The following CRB1 variants were observed in gnomAD, a reference collection of about 807,000 sequenced individuals.
CRB1 encodes crumbs cell polarity complex component 1, also known as protein crumbs homolog 1.
A neutral mutation model predicts 120.0 loss-of-function variants in CRB1; 83 were observed. The ratio of observed to expected loss-of-function variants is 0.69; its 90% confidence interval spans 0.58 to 0.83. The LOEUF (loss-of-function observed/expected upper bound fraction) is 0.83, where lower values mean the gene tolerates loss of function less well. Ranked by LOEUF, CRB1 falls within the 40% of genes least tolerant of loss-of-function variation. The probability of loss-of-function intolerance (pLI) is 0.00; values close to 1 mark genes in which losing one functional copy is unlikely to be tolerated. For missense variants in CRB1, 1,699 were observed against 1,687.6 expected, an observed-to-expected ratio of 1.01 and a Z score of -0.12; for synonymous variants, 625 against 612.5, an observed-to-expected ratio of 1.02 and a Z score of -0.30.
intron 5 of CRB1, among the ~76,000 whole-genome samples, chr1:197,373,833 A>G (rs1661503266): frequency 6.6e-6 from 1 of 152,200 alleles, no homozygotes; most frequent in African/African-American, 2.4e-5. Context: ...CTTTATGACA[A>G]AAATACACCA....
chr1:197,282,170 A>G (rs1439611085), intron 1 of CRB1, among the ~76,000 whole-genome samples: 1 of 151,764 alleles, frequency 6.6e-6, no homozygotes, highest in Non-Finnish European at 1.5e-5. Context: ...ACTATGTCAC[A>G]TAATTGAATT....
chr1:197,472,758 T>C (rs150048146), intron 11 of CRB1, among the ~76,000 whole-genome samples: 38 of 152,264 alleles, frequency 2.5e-4, no homozygotes, highest in African/African-American at 8.7e-4. Flanking sequence ...CAGCGCCACA[T>C]CAGCACAGTG....
At chr1:197,366,555 T>TA (rs2125373852) in intron 5 of CRB1, among the ~76,000 whole-genome samples, 1 of 152,266 alleles carries the variant, frequency 6.6e-6, no homozygotes, top group African/African-American at 2.4e-5. Flanking sequence ...TTTTATAATG[T>TA]AAAAATGATA....
At chr1:197,342,997 G>C (rs760128326) in intron 2 of CRB1, among the ~76,000 whole-genome samples, 6 of 152,168 alleles carry the variant, frequency 3.9e-5, no homozygotes. Context: ...CACTTACCTA[G>C]AAACAAGTGC....
intron 2 of CRB1, among the ~76,000 whole-genome samples, chr1:197,334,412 G>A (rs1019500253): frequency 1.3e-4 from 20 of 152,150 alleles, no homozygotes; most frequent in Non-Finnish European, 2.2e-4. Context: ...ATTGGGAGGT[G>A]GGAACTAAGA....
At chr1:197,399,521 A>G (rs1275433532) in intron 5 of CRB1, among the ~76,000 whole-genome samples, 1 of 152,204 alleles carries the variant, frequency 6.6e-6, no homozygotes, top group Non-Finnish European at 1.5e-5. Context: ...TTTCTATAAA[A>G]TAGAGATTAT....
intron 5 of CRB1, among the ~76,000 whole-genome samples, chr1:197,401,215 T>C (rs1453099742): frequency 1.3e-5 from 2 of 152,128 alleles, no homozygotes; most frequent in African/African-American, 2.4e-5. Flanking sequence ...AAATTGGTGT[T>C]TTAAAAATAA....
At chr1:197,310,359 C>G (rs1008844102) in intron 1 of CRB1, among the ~76,000 whole-genome samples, 9 of 152,100 alleles carry the variant, frequency 5.9e-5, no homozygotes, top group African/African-American at 2.2e-4. Context: ...CTCACCAAAC[C>G]TATGCAGAAT....
intron 1 of CRB1, among the ~76,000 whole-genome samples, chr1:197,322,463 A>AAAT (rs527686372): frequency 0.02 from 3,073 of 150,228 alleles, 35 homozygotes; most frequent in Non-Finnish European, 0.024. Flanking sequence ...ACTCTGTCTC[A>AAAT]AATAATAATA....
intron 11 of CRB1, chr1:197,442,661 T>G: frequency 1.4e-6 from 1 of 717,180 alleles, no homozygotes. Context: ...TTATTGTGTG[T>G]ATTTAGTACA....
chr1:197,349,956 CG>C (rs1193530404), intron 4 of CRB1, among the ~76,000 whole-genome samples: 1 of 151,384 alleles, frequency 6.6e-6, no homozygotes, highest in Non-Finnish European at 1.5e-5. Flanking sequence ...AAAAATTAGC[CG>C]GGCGCGGTGG....
chr1:197,396,148 G>T (rs186936402), intron 5 of CRB1, among the ~76,000 whole-genome samples: 5 of 152,212 alleles, frequency 3.3e-5, no homozygotes, highest in African/African-American at 9.6e-5. Flanking sequence ...ATGGTCACAG[G>T]ATACAAAGTA....
chr1:197,268,460 C>G lies in CRB1; in HGVS notation c.48C>G (p.Phe16Leu). ...INYLLIFYLSFSLLIYIKNSF... is the reference protein window; with the variant it reads ...INYLLIFYLSLSLLIYIKNSF... The stretch of plus-strand genomic sequence containing the variant: ...ACCTTCTCATCTTCTACCTCAGTTT[C>G]TCACTGCTTATCTACATAAAAAGTA... The change falls in exon 1 of 12, where the codon TTC becomes TTG. Residue 16 changes from phenylalanine (F) to leucine (L), a missense_variant. Physicochemically the swap from Phe to Leu is conservative, Grantham distance 22. Coordinates refer to ENST00000367400, the MANE Select transcript of CRB1 (RefSeq NM_201253.3). 6.2e-7 allele frequency: 1 copy of G among 1,612,860 alleles called. No homozygotes were observed. The highest frequency in any genetic ancestry group is 8.5e-7 in the Non-Finnish European group (1 of 1,178,870).
chr1:197,421,321 G>C lies in CRB1; in HGVS notation c.1493G>C (p.Ser498Thr), dbSNP rs992770731. 1.2e-6 allele frequency: 2 copies of C among 1,614,118 alleles called. No individual in the cohort carries two copies. Among genetic ancestry groups the C allele is most frequent in the Non-Finnish European group, 1.7e-6 (2 of 1,180,058 alleles). ...FEGDGFLWVK[S>T]GSVTTKGSVC... Reference sequence around the variant, plus strand: ...GGCGATGGCTTCCTGTGGGTCAAAAGTGGCTCAGTGACAACCAAGGGCTCA... The same window carrying C: ...GGCGATGGCTTCCTGTGGGTCAAAACTGGCTCAGTGACAACCAAGGGCTCA... Residue 498 changes from serine (S) to threonine (T), a missense_variant, in exon 6 of 12, where the codon AGT becomes ACT. Coordinates refer to ENST00000367400, the MANE Select transcript of CRB1 (RefSeq NM_201253.3).
chr1:197,383,710 A>T (rs1448951810), intron 5 of CRB1, among the ~76,000 whole-genome samples: 1 of 152,124 alleles, frequency 6.6e-6, no homozygotes, highest in African/African-American at 2.4e-5. Context: ...TTCTTCCTCC[A>T]TGCCAGTGTT....
At chr1:197,379,727 A>C (rs1415072398) in intron 5 of CRB1, among the ~76,000 whole-genome samples, 1 of 151,958 alleles carries the variant, frequency 6.6e-6, no homozygotes, top group Admixed American at 6.6e-5. Flanking sequence ...GGATACTATC[A>C]GTGAAGTCTG....
intron 11 of CRB1, among the ~76,000 whole-genome samples, chr1:197,468,177 AG>A (rs1333125564): frequency 6.6e-6 from 1 of 152,062 alleles, no homozygotes; most frequent in African/African-American, 2.4e-5. Context: ...TCATTCTCCC[AG>A]CAACTTCCTT....
chr1:197,439,940 C>T (rs1033826), intron 10 of CRB1: 141,694 of 152,168 alleles, frequency 0.93, 66,868 homozygotes, highest in East Asian at 1. Flanking sequence ...CGTTCATTTT[C>T]ATTTGCAGCC....
At chr1:197,333,168 G>A (rs1238466263) in intron 2 of CRB1, among the ~76,000 whole-genome samples, 1 of 152,192 alleles carries the variant, frequency 6.6e-6, no homozygotes, top group Non-Finnish European at 1.5e-5. Flanking sequence ...GAGGTAGAAG[G>A]GGAAAAAGAG....
Sources: gnomAD v4.1 joint callset for allele counts (sites outside exome capture counted in the v4.1 genomes callset) on GRCh38, gnomAD v4.1.1 for gene constraint, MANE v1.5 for transcripts, NCBI Gene and HGNC (gene_info 2026-07-23, HGNC 2026-07-21) for gene names.